GRM8: variants seen among roughly 807,000 people sequenced by gnomAD.
GRM8 encodes the protein glutamate metabotropic receptor 8.
In GRM8, 47 loss-of-function variants were observed where a neutral mutation model predicts 87.2. The observed-to-expected ratio is 0.54, with a 90% CI of 0.43 to 0.69. The LOEUF (loss-of-function observed/expected upper bound fraction) is 0.69, where lower values mean the gene tolerates loss of function less well. Ranked by LOEUF, GRM8 falls within the 30% of genes least tolerant of loss-of-function variation. The pLI is 0.00. For missense variants in GRM8, 1,019 were observed against 1,139.2 expected, an observed-to-expected ratio of 0.89 and a Z score of 1.52; for synonymous variants, 396 against 404.5, an observed-to-expected ratio of 0.98 and a Z score of 0.25.
At chr7:126,555,546 T>A (rs1793047651) in intron 8 of GRM8, among the ~76,000 whole-genome samples, 1 of 152,252 alleles carries the variant, frequency 6.6e-6, no homozygotes, top group South Asian at 2.1e-4. Flanking sequence ...CTATATTTGT[T>A]ATATTTCATA....
chr7:127,237,871 A>G (rs1314499180), intron 2 of GRM8, among the ~76,000 whole-genome samples: 3 of 152,250 alleles, frequency 2.0e-5, no homozygotes, highest in Admixed American at 6.5e-5. Context: ...TTTTTAACTT[A>G]GAATATTCAA....
At chr7:127,161,478 G>A (rs1472142601) in intron 2 of GRM8, among the ~76,000 whole-genome samples, 2 of 152,136 alleles carry the variant, frequency 1.3e-5, no homozygotes, top group Non-Finnish European at 2.9e-5. Context: ...CTGACACTCA[G>A]TCTCAGTCAG....
intron 9 of GRM8, among the ~76,000 whole-genome samples, chr7:126,470,847 C>G (rs920464969): frequency 6.6e-6 from 1 of 152,176 alleles, no homozygotes; most frequent in Non-Finnish European, 1.5e-5. Flanking sequence ...TCCTCTCCAG[C>G]ACCTGCTGTT....
At chr7:126,884,726 A>G (rs1297569328) in intron 6 of GRM8, among the ~76,000 whole-genome samples, 1 of 152,176 alleles carries the variant, frequency 6.6e-6, no homozygotes, top group African/African-American at 2.4e-5. Flanking sequence ...TCTATGTGAC[A>G]GGCACAGTGG....
intron 2 of GRM8, among the ~76,000 whole-genome samples, chr7:127,164,212 T>C (rs778100676): frequency 6.6e-6 from 1 of 152,134 alleles, no homozygotes; most frequent in Non-Finnish European, 1.5e-5. Flanking sequence ...ACAATGTTTG[T>C]AAGTTTCCTG....
chr7:126,525,667 C>T (rs765172335), intron 9 of GRM8, among the ~76,000 whole-genome samples: 1 of 152,218 alleles, frequency 6.6e-6, no homozygotes, highest in Non-Finnish European at 1.5e-5. Context: ...TCAGACCCAA[C>T]TGGCTTTTAC....
At chr7:126,962,456 A>G (rs1466519100) in intron 3 of GRM8, among the ~76,000 whole-genome samples, 1 of 152,246 alleles carries the variant, frequency 6.6e-6, no homozygotes, top group Non-Finnish European at 1.5e-5. Flanking sequence ...TTACCAGAAA[A>G]TTATTTCAAT....
At chr7:126,903,677 A>ATATATATATGTATATGTG (rs1802360910) in intron 5 of GRM8, among the ~76,000 whole-genome samples, 2 of 138,204 alleles carry the variant, frequency 1.4e-5, no homozygotes, top group African/African-American at 2.7e-5. Flanking sequence ...GTATATGTGT[A>ATATATATATGTATATGTG]TATATATATG....
In GRM8 at chr7:127,017,112, AC is replaced by A. The variant is rs1240402690; in HGVS notation, c.727+89383del. ...GAATGGGAACATCTAATCTGTCTTT[AC>A]AAAACCCTTTATTACTGCAACTATA... On this transcript the variant is annotated intron_variant, in intron 3 of 10. Coordinates refer to ENST00000339582, the MANE Select transcript of GRM8 (RefSeq NM_000845.3). Among the ~76,000 whole-genome samples the A allele has an allele frequency of 2.6e-5, 4 of 152,186 alleles. No homozygotes were observed. In the East Asian group the frequency reaches 5.8e-4, roughly 22 times the overall value.
intron 3 of GRM8, among the ~76,000 whole-genome samples, chr7:126,907,102 G>A (rs748645042): frequency 9.5e-4 from 104 of 109,136 alleles, no homozygotes; most frequent in Non-Finnish European, 6.8e-4. Flanking sequence ...AAGAGCAGGA[G>A]AAGGAGGAGG....
chr7:126,655,149 C>A (rs1167067710), intron 7 of GRM8, among the ~76,000 whole-genome samples: 1 of 152,182 alleles, frequency 6.6e-6, no homozygotes, highest in East Asian at 1.9e-4. Flanking sequence ...CTTTTCATAA[C>A]TTTTATATTG....
chr7:126,653,803 A>G (rs1447588324), intron 7 of GRM8, among the ~76,000 whole-genome samples: 2 of 152,246 alleles, frequency 1.3e-5, no homozygotes, highest in South Asian at 2.1e-4. Context: ...AGAGCAAACT[A>G]TATTTCTATT....
intron 3 of GRM8, among the ~76,000 whole-genome samples, chr7:126,992,827 G>A (rs538951125): frequency 7.6e-4 from 111 of 145,168 alleles, no homozygotes; most frequent in Middle Eastern, 3.7e-3. Context: ...GTGTGTGTGT[G>A]TATGTGTGTG....
chr7:126,467,185 C>T lies in GRM8; in HGVS notation c.2431-20813G>A, dbSNP rs574663505. On this transcript the variant is annotated intron_variant, in intron 9 of 10. Transcript: ENST00000339582. ...ACAGGCTTCAGTGTGTGATGTTCCC[C>T]TCCCTGTGCCCATATGTTCTCTTTG... Among the ~76,000 whole-genome samples the T allele has an allele frequency of 4.0e-5, 6 of 151,514 alleles. No individual in the cohort carries two copies. The East Asian group carries it at 1.2e-3, about 30-fold the overall frequency.
intron 3 of GRM8, among the ~76,000 whole-genome samples, chr7:127,051,765 A>AAAAAG (rs1819513085): frequency 9.4e-5 from 13 of 138,236 alleles, no homozygotes; most frequent in Admixed American, 1.4e-4. Flanking sequence ...AAAAAAAAAA[A>AAAAAG]GCAGGTTATA....
intron 7 of GRM8, among the ~76,000 whole-genome samples, chr7:126,756,330 T>C (rs988860619): frequency 3.9e-5 from 6 of 152,062 alleles, no homozygotes; most frequent in Non-Finnish European, 7.4e-5. Flanking sequence ...GATAATAACA[T>C]AGAAGAAAGT....
At chr7:126,564,283 T>C (rs1368330366) in intron 8 of GRM8, among the ~76,000 whole-genome samples, 5 of 152,124 alleles carry the variant, frequency 3.3e-5, no homozygotes, top group Non-Finnish European at 7.3e-5. Context: ...AAGATGCTAG[T>C]TGAAGCTGAA....
intron 6 of GRM8, among the ~76,000 whole-genome samples, chr7:126,776,358 TG>T (rs1319357066): frequency 6.6e-6 from 1 of 152,082 alleles, no homozygotes; most frequent in Non-Finnish European, 1.5e-5. Context: ...CAGGAGGCAA[TG>T]AACAACTCAG....
At chr7:127,240,992 T>G (rs1332869808) in intron 2 of GRM8, among the ~76,000 whole-genome samples, 1 of 152,236 alleles carries the variant, frequency 6.6e-6, no homozygotes, top group East Asian at 1.9e-4. Flanking sequence ...AATTGTGTCC[T>G]TCTCACTGTC....
Sources: allele counts gnomAD v4.1 joint callset (sites outside exome capture counted in the v4.1 genomes callset), GRCh38; gene constraint gnomAD v4.1.1; transcripts MANE v1.5; gene names NCBI Gene and HGNC (gene_info 2026-07-23, HGNC 2026-07-21).